The following TRPM3 variants were observed in gnomAD, a reference collection of about 807,000 sequenced individuals.
The protein encoded by TRPM3 is transient receptor potential cation channel subfamily M member 3, also known as long transient receptor potential channel 3.
Under a neutral mutation model 181.2 loss-of-function variants are expected in TRPM3, and 77 were observed. That is an observed-to-expected ratio of 0.42 (90% confidence interval 0.35 to 0.51). The LOEUF is 0.51. Among genes scored for constraint, TRPM3 ranks in the 20% least tolerant of loss-of-function variants. The pLI, the probability that TRPM3 is intolerant of heterozygous loss-of-function variation, is 0.01. For synonymous variants in TRPM3, 745 were observed against 796.4 expected (o/e 0.94, Z 1.09); for missense variants, 1,759 against 2,196.7 (o/e 0.80, Z 3.98).
At chr9:71,426,208 ATAAT>A (rs547654370) in intron 1 of TRPM3, among the ~76,000 whole-genome samples, 1 of 152,148 alleles carries the variant, frequency 6.6e-6, no homozygotes, top group Non-Finnish European at 1.5e-5. Flanking sequence ...AAACATTTAA[ATAAT>A]TAATCAGCTT....
intron 1 of TRPM3, among the ~76,000 whole-genome samples, chr9:71,403,740 A>G (rs754359028): frequency 3.9e-5 from 6 of 152,108 alleles, no homozygotes; most frequent in Non-Finnish European, 7.4e-5. Flanking sequence ...GCTCTATACC[A>G]CTTGTAAGGC....
intron 1 of TRPM3, among the ~76,000 whole-genome samples, chr9:70,976,020 G>C (rs139576802): frequency 1.4e-4 from 21 of 152,164 alleles, no homozygotes; most frequent in African/African-American, 4.1e-4. Flanking sequence ...TCCATTCCCA[G>C]CATGAGAGAA....
At chr9:70,669,738 C>G (rs540966986) in intron 9 of TRPM3, among the ~76,000 whole-genome samples, 1 of 140,126 alleles carries the variant, frequency 7.1e-6, no homozygotes, top group Admixed American at 7.1e-5. Flanking sequence ...TTCTTTCTTT[C>G]TTTCTTTTCT....
At chr9:70,827,607 G>A (rs1342388326) in intron 6 of TRPM3, 3 of 406,950 alleles carry the variant, frequency 7.4e-6, no homozygotes, top group Non-Finnish European at 1.3e-5. Flanking sequence ...CCCAGATGGA[G>A]TTGAATTTTT....
chr9:70,815,618 C>T (rs541074758), intron 6 of TRPM3, among the ~76,000 whole-genome samples: 40 of 152,098 alleles, frequency 2.6e-4, no homozygotes, highest in African/African-American at 8.9e-4. Flanking sequence ...ATTTTCTTTC[C>T]TATGATCTTC....
intron 1 of TRPM3, among the ~76,000 whole-genome samples, chr9:71,441,060 G>C (rs12683524): frequency 2.0e-5 from 3 of 152,026 alleles, no homozygotes; most frequent in Non-Finnish European, 4.4e-5. Context: ...ATTTGAATTA[G>C]GCATTTTCTA....
At chr9:71,109,414 A>G (rs2070523832) in intron 1 of TRPM3, among the ~76,000 whole-genome samples, 1 of 152,102 alleles carries the variant, frequency 6.6e-6, no homozygotes, top group East Asian at 1.9e-4. Context: ...AGACTCCTTG[A>G]ATTCTGTTAA....
intron 1 of TRPM3, among the ~76,000 whole-genome samples, chr9:71,264,683 G>A (rs962081853): frequency 3.3e-5 from 5 of 152,092 alleles, no homozygotes; most frequent in African/African-American, 1.2e-4. Context: ...CCAAGACTAG[G>A]AAAATCTAGG....
intron 1 of TRPM3, among the ~76,000 whole-genome samples, chr9:71,217,523 G>T (rs1215595138): frequency 6.6e-6 from 1 of 152,126 alleles, no homozygotes; most frequent in Non-Finnish European, 1.5e-5. Context: ...TCTGTCCATG[G>T]TATTTAGTGC....
intron 9 of TRPM3, among the ~76,000 whole-genome samples, chr9:70,677,649 A>G (rs1269438247): frequency 1.3e-5 from 2 of 152,230 alleles, no homozygotes; most frequent in Non-Finnish European, 2.9e-5. Flanking sequence ...AGAGCTGTTC[A>G]TACTTCACTG....
At chr9:70,986,606 G>T (rs923038579) in intron 1 of TRPM3, among the ~76,000 whole-genome samples, 2 of 152,002 alleles carry the variant, frequency 1.3e-5, no homozygotes, top group Non-Finnish European at 2.9e-5. Flanking sequence ...AGACCTATGG[G>T]GACTGGCTTT....
chr9:71,337,355 G>T (rs1230725351), intron 1 of TRPM3, among the ~76,000 whole-genome samples: 3 of 152,184 alleles, frequency 2.0e-5, no homozygotes, highest in Non-Finnish European at 2.9e-5. Flanking sequence ...TTAGAGAAAT[G>T]CAAATCAAAA....
chr9:71,255,288 A>C (rs1469658791), intron 1 of TRPM3, among the ~76,000 whole-genome samples: 2 of 152,340 alleles, frequency 1.3e-5, no homozygotes, highest in East Asian at 3.9e-4. Flanking sequence ...CTAAATGGTT[A>C]GTCAAGAATT....
At chr9:71,336,855 G>A (rs750182114) in intron 1 of TRPM3, among the ~76,000 whole-genome samples, 15 of 152,126 alleles carry the variant, frequency 9.9e-5, no homozygotes, top group Admixed American at 3.3e-4. Context: ...AATGGGGAAA[G>A]GATTCCCTAT....
chr9:71,415,228 T>C (rs139030269), intron 1 of TRPM3, among the ~76,000 whole-genome samples: 4 of 152,116 alleles, frequency 2.6e-5, no homozygotes, highest in East Asian at 1.9e-4. Flanking sequence ...TCCTGGACAG[T>C]GTGTGGCCCT....
intron 1 of TRPM3, among the ~76,000 whole-genome samples, chr9:71,413,288 G>A (rs2093589405): frequency 6.6e-6 from 1 of 151,998 alleles, no homozygotes; most frequent in Admixed American, 6.6e-5. Flanking sequence ...TATTTATTGA[G>A]TATTTAGCAT....
intron 1 of TRPM3, among the ~76,000 whole-genome samples, chr9:71,328,592 A>G (rs1006966880): frequency 6.6e-6 from 1 of 152,206 alleles, no homozygotes; most frequent in Non-Finnish European, 1.5e-5. Flanking sequence ...AGGGACATAG[A>G]AGACTGATTT....
At chr9:71,111,593 A>G (rs574145798) in intron 1 of TRPM3, among the ~76,000 whole-genome samples, 1 of 152,292 alleles carries the variant, frequency 6.6e-6, no homozygotes, top group African/African-American at 2.4e-5. Flanking sequence ...CCCAAATGTC[A>G]GTAGTGTTGA....
intron 1 of TRPM3, among the ~76,000 whole-genome samples, chr9:71,318,195 T>A (rs1222056916): frequency 6.6e-6 from 1 of 152,196 alleles, no homozygotes; most frequent in East Asian, 1.9e-4. Context: ...CATGATTGAA[T>A]TCTAAGGTTA....
Sources: allele counts gnomAD v4.1 joint callset (sites outside exome capture counted in the v4.1 genomes callset), GRCh38; gene constraint gnomAD v4.1.1; transcripts MANE v1.5; gene names NCBI Gene and HGNC (gene_info 2026-07-23, HGNC 2026-07-21).